IPO7: variants seen among roughly 807,000 people sequenced by gnomAD.
IPO7 encodes the protein importin-7.
In IPO7, 13 loss-of-function variants were observed where a neutral mutation model predicts 136.4. The ratio of observed to expected loss-of-function variants is 0.10; its 90% CI spans 0.06 to 0.15. IPO7 has a LOEUF of 0.15. Among genes scored for constraint, IPO7 ranks in the 10% least tolerant of loss-of-function variants. IPO7 has a pLI of 1.00. For missense variants in IPO7, 857 were observed against 1,240.6 expected (o/e 0.69, Z 4.65); for synonymous variants, 403 against 404.4 (o/e 1.00, Z 0.04).
At chr11:9,414,550 G>A in intron 5 of IPO7, 139 bp downstream of exon 5, 4 of 321,536 alleles carry the variant, frequency 1.2e-5, no homozygotes, top group Non-Finnish European at 1.6e-5. Flanking sequence ...TAGCAAAATA[G>A]AAATTGCAAA....
At chr11:9,398,153 C>T (rs1029220246) in intron 1 of IPO7, among the ~76,000 whole-genome samples, 1 of 152,178 alleles carries the variant, frequency 6.6e-6, no homozygotes, top group Non-Finnish European at 1.5e-5. Context: ...CTACACTGCC[C>T]CTAGGCAATC....
In IPO7 at chr11:9,423,874, T is replaced by G. The variant is rs765610478; in HGVS notation, c.1139T>G (p.Phe380Cys). Residue 380 changes from phenylalanine (F) to cysteine (C), a missense_variant and splice_region_variant, in exon 10 of 25, where the codon TTT becomes TGT. Physicochemically the swap from Phe to Cys is radical, Grantham distance 205. Around this residue, in one of 11 missense-constraint regions of IPO7, gnomAD observed 127 missense variants for 222.4 expected, o/e 0.57. Coordinates refer to ENST00000379719, the MANE Select transcript of IPO7 (RefSeq NM_006391.3). ...CCTTACGAATATATACGCATGAAGT[T>G]TGGTAAGGAATTTTCACGTTTTTAG... Reference protein sequence around the residue: ...EDPYEYIRMKFDVFEDFISPT... With the variant: ...EDPYEYIRMKCDVFEDFISPT... The G allele has an allele frequency of 6.3e-7, 1 of 1,588,086 alleles. No homozygotes were observed. Among genetic ancestry groups the G allele is most frequent in the Non-Finnish European group, 8.6e-7 (1 of 1,158,046 alleles).
chr11:9,413,303 C>T (rs1361738140), intron 4 of IPO7, among the ~76,000 whole-genome samples: 1 of 151,906 alleles, frequency 6.6e-6, no homozygotes, highest in Non-Finnish European at 1.5e-5. Flanking sequence ...ATTTTGTTGC[C>T]CTATGGGTTA....
chr11:9,422,806 C>T (rs1855153112), intron 8 of IPO7, among the ~76,000 whole-genome samples, 200 bp from the exon 9 acceptor site: 1 of 152,048 alleles, frequency 6.6e-6, no homozygotes, highest in African/African-American at 2.4e-5. Context: ...AAAAAAACCC[C>T]AGAAAAACGA....
intron 4 of IPO7, among the ~76,000 whole-genome samples, chr11:9,413,495 A>G (rs1590436819): frequency 6.6e-6 from 1 of 151,970 alleles, no homozygotes. Flanking sequence ...TTTATTATTT[A>G]TAATTTATAC....
At chr11:9,420,828 T>C in intron 8 of IPO7, 130 bp downstream of exon 8, 1 of 634,496 alleles carries the variant, frequency 1.6e-6, no homozygotes, top group Non-Finnish European at 2.8e-6. Flanking sequence ...TCAAACATTT[T>C]TGGTCTCAGG....
At position 9,409,957 on chromosome 11, in the gene IPO7, T is replaced by C. The variant is rs746263888; in HGVS notation, c.350T>C (p.Ile117Thr). 3.2e-6 allele frequency: 5 copies of C among 1,582,340 alleles called. No individual in the cohort carries two copies. The South Asian group carries it at 4.7e-5, about 15-fold the overall frequency. ...RVQLTTCIHH[I>T]IKHDYPSRWT... ...CAGCTTACTACATGCATTCATCACATCATCAAACATGATTATCCAAGCCGC... is the reference window on the plus strand; with the variant it reads ...CAGCTTACTACATGCATTCATCACACCATCAAACATGATTATCCAAGCCGC... The change falls in exon 4 of 25, where the codon ATC becomes ACC. Residue 117 changes from isoleucine (I) to threonine (T), a missense_variant. Ile to Thr is a moderately conservative substitution (Grantham distance 89). Around this residue, in one of 11 missense-constraint regions of IPO7, gnomAD observed 287 missense variants for 307.5 expected, o/e 0.93. Transcript: ENST00000379719.
At chr11:9,423,596 C>A (rs980239652) in intron 9 of IPO7, among the ~76,000 whole-genome samples, 181 bp from the exon 10 acceptor site, 1 of 152,050 alleles carries the variant, frequency 6.6e-6, no homozygotes, top group African/African-American at 2.4e-5. Context: ...TTACTTGTTA[C>A]AGAAAGGGGA....
At position 9,418,790 on chromosome 11, in the gene IPO7, G is replaced by C. The variant is rs898898132; in HGVS notation, c.727-1621G>C. ...ACCCATGTAGCCATCACCTCAGAAT[G>C]TTTGCTCATGGCTGGTTCTAGTCAT... On this transcript the variant is annotated intron_variant, in intron 6 of 24. Coordinates refer to ENST00000379719, the MANE Select transcript of IPO7 (RefSeq NM_006391.3). 6.6e-5 allele frequency among the ~76,000 whole-genome samples: 10 copies of C among 152,140 alleles called. 1 individual carries two copies. The highest frequency in any genetic ancestry group is 5.9e-4 in the Admixed American group (9 of 15,272).
At position 9,433,573 on chromosome 11, in the gene IPO7, A is replaced by G. The variant is rs1431329221; in HGVS notation, c.1885A>G (p.Thr629Ala). 1.2e-6 allele frequency: 2 copies of G among 1,611,500 alleles called. No homozygotes were observed. The highest frequency in any genetic ancestry group is 2.2e-5 in the South Asian group (2 of 90,938). The part of the protein sequence containing the change: ...LSVVEDHKEI[T>A]QQLEGICLQV... Reference sequence around the variant, plus strand: ...GATTTTTTTTCTTCTCTTTTAGATAACCCAACAGCTTGAGGGAATCTGCTT... The same window carrying G: ...GATTTTTTTTCTTCTCTTTTAGATAGCCCAACAGCTTGAGGGAATCTGCTT... Residue 629 changes from threonine to alanine, a missense_variant, in exon 17 of 25, where the codon ACC becomes GCC. Physicochemically the swap from Thr to Ala is moderately conservative, Grantham distance 58. Transcript: ENST00000379719.
At position 9,406,102 on chromosome 11, in the gene IPO7, G is replaced by GTTTT. The variant is rs1360656618; in HGVS notation, c.167-2383_167-2382insTTTT. 1.3e-4 allele frequency among the ~76,000 whole-genome samples: 8 copies of GTTTT among 63,882 alleles called. 2 individuals are homozygous for GTTTT. Among genetic ancestry groups the GTTTT allele is most frequent in the African/African-American group, 4.4e-4 (8 of 18,244 alleles). The allele number at this position is 63,882 out of a possible 152,430, so 41.9% of individuals were successfully genotyped here. On this transcript the variant is annotated intron_variant, in intron 2 of 24. Coordinates refer to ENST00000379719, the MANE Select transcript of IPO7 (RefSeq NM_006391.3). ...GAATCTCACTATGTTGCTGAGGCTGGTCTTTTTTTTTTTTTTTTTTTTTTT... is the reference window on the plus strand; with the variant it reads ...GAATCTCACTATGTTGCTGAGGCTGGTTTTTCTTTTTTTTTTTTTTTTTTTTTTT...
At position 9,417,079 on chromosome 11, in the gene IPO7, G is replaced by C. The variant is rs773391584; in HGVS notation, c.657G>C (p.Leu219=). The change falls in exon 6 of 25, where the codon CTG becomes CTC. Residue 219 remains leucine, a synonymous_variant. Coordinates refer to ENST00000379719, the MANE Select transcript of IPO7 (RefSeq NM_006391.3). ...TTTAGTATACACTACCACTGGAACT[G>C]ATAAACCAACAGAACCTGACAGAAT... ...ALVQYTLPLE[L]INQQNLTEWI... is the part of the protein sequence containing the mutation. 6.5e-7 allele frequency: 1 copy of C among 1,547,396 alleles called. No individual in the cohort carries two copies. Among genetic ancestry groups the C allele is most frequent in the Middle Eastern group, 1.7e-4 (1 of 5,932 alleles).
rs751484979 is a variant in IPO7 at position 9,417,157 on chromosome 11, C to T, written c.726+9C>T. 2.5e-6 allele frequency: 3 copies of T among 1,179,078 alleles called. No individual in the cohort carries two copies. The highest frequency in any genetic ancestry group is 3.8e-5 in the Admixed American group (2 of 53,320). 73.0% of individuals were successfully genotyped at this position (1,179,078 alleles called of 1,614,324 possible). ...ACAGGGATGTACCTAATGTAAGTTT[C>T]TGTATGTTCTCTTATATTACTAAAT... On this transcript the variant is annotated intron_variant, in intron 6 of 24. Transcript: ENST00000379719.
At chr11:9,428,351 A>C (rs1373887073) in intron 12 of IPO7, among the ~76,000 whole-genome samples, 189 bp from the exon 13 acceptor site, 1 of 152,244 alleles carries the variant, frequency 6.6e-6, no homozygotes, top group African/African-American at 2.4e-5. Flanking sequence ...TAAAAACGTG[A>C]AAATGTGTTT....
At chr11:9,398,101 G>T (rs1190779975) in intron 1 of IPO7, among the ~76,000 whole-genome samples, 1 of 152,084 alleles carries the variant, frequency 6.6e-6, no homozygotes, top group African/African-American at 2.4e-5. Context: ...GTGTCCTTTG[G>T]GCTCATCTGT....
intron 12 of IPO7, among the ~76,000 whole-genome samples, chr11:9,425,994 C>T (rs898660023): frequency 3.3e-5 from 5 of 151,860 alleles, no homozygotes; most frequent in East Asian, 1.9e-4. Context: ...TGCAGTGAGC[C>T]GAGGTCATGC....
At chr11:9,429,324 G>A in intron 14 of IPO7, 128 bp downstream of exon 14, 1 of 769,606 alleles carries the variant, frequency 1.3e-6, no homozygotes, top group Non-Finnish European at 2.1e-6. Context: ...AGACCAGCCT[G>A]GGCAACATCT....
At chr11:9,390,045 T>G (rs1276597751) in intron 1 of IPO7, among the ~76,000 whole-genome samples, 3 of 151,960 alleles carry the variant, frequency 2.0e-5, no homozygotes, top group African/African-American at 7.2e-5. Context: ...CGTGAGCCAC[T>G]GCGCCTGGCC....
intron 16 of IPO7, among the ~76,000 whole-genome samples, chr11:9,432,871 G>A (rs543796995): frequency 1.8e-3 from 275 of 152,042 alleles, no homozygotes; most frequent in African/African-American, 6.4e-3. Flanking sequence ...ATTGAGATTC[G>A]TAGCAATAAT....
Sources: gnomAD v4.1 joint callset for allele counts (sites outside exome capture counted in the v4.1 genomes callset) on GRCh38, gnomAD v4.1.1 for gene constraint, gnomAD v4.1.1 regional missense constraint, MANE v1.5 for transcripts, NCBI Gene and HGNC (gene_info 2026-07-23, HGNC 2026-07-21) for gene names.